TRABD2B: variants seen among roughly 807,000 people sequenced by gnomAD.
The protein encoded by TRABD2B is metalloprotease TIKI2.
Under a neutral mutation model 40.1 loss-of-function variants are expected in TRABD2B, and 14 were observed. The ratio of observed to expected loss-of-function variants is 0.35; its 90% CI spans 0.23 to 0.55. TRABD2B has a LOEUF of 0.55. Ranked by LOEUF, TRABD2B falls within the 20% of genes least tolerant of loss-of-function variation. TRABD2B has a pLI of 0.90. For missense variants in TRABD2B, 541 were observed against 648.6 expected, an observed-to-expected ratio of 0.83 and a Z score of 1.80; for synonymous variants, 263 against 277.0, an observed-to-expected ratio of 0.95 and a Z score of 0.50.
intron 3 of TRABD2B, chr1:47,795,523 A>G (rs1644736581): frequency 6.1e-6 from 2 of 326,154 alleles, no homozygotes; most frequent in Non-Finnish European, 4.4e-6. Flanking sequence ...TGAGTACAAG[A>G]GTAGGCTCAC....
intron 3 of TRABD2B, 23 bp from the exon 4 acceptor site, chr1:47,794,783 G>C (rs1428532696): frequency 6.1e-6 from 8 of 1,310,156 alleles, no homozygotes; most frequent in Admixed American, 3.0e-5. Context: ...GACAGAGGCT[G>C]CCTTCAGTTT....
rs138002701 is a variant in TRABD2B, at chr1:47,821,551, T to C, written c.667-19932A>G. 3.7e-4 allele frequency among the ~76,000 whole-genome samples: 57 copies of C among 152,270 alleles called. 1 individual carries two copies. In the East Asian group the frequency reaches 0.01, roughly 28 times the overall value. On this transcript the variant is annotated intron_variant, in intron 2 of 6. Transcript: ENST00000606738. ...CCTGGCAATGCCCCTGACAGGCAGA[T>C]GCTCAGGGCTGTGCCATGCCTCTGT...
chr1:47,843,945 G>T (rs1285036659), intron 2 of TRABD2B, among the ~76,000 whole-genome samples: 3 of 152,136 alleles, frequency 2.0e-5, no homozygotes, highest in Non-Finnish European at 4.4e-5. Flanking sequence ...AGCCTCTCTC[G>T]ATGGGCACCC....
intron 2 of TRABD2B, among the ~76,000 whole-genome samples, chr1:47,830,632 T>C (rs999220471): frequency 3.3e-5 from 5 of 152,210 alleles, no homozygotes; most frequent in Non-Finnish European, 5.9e-5. Flanking sequence ...GTCAGACATA[T>C]AGGATGACGG....
chr1:47,908,705 C>A (rs1233536239), intron 2 of TRABD2B, among the ~76,000 whole-genome samples: 1 of 152,240 alleles, frequency 6.6e-6, no homozygotes, highest in Admixed American at 6.5e-5. Flanking sequence ...GGCCAAGGAG[C>A]CAGCTCGGCC....
rs565389809 is a variant in TRABD2B at position 47,960,692 on chromosome 1, C to T, written c.666+33342G>A. ...CCTCTTCAAGGAGAACTACAAACCA[C>T]TGCTCAAGGAAATAAAAGAGGACCC... is the stretch of plus-strand genomic sequence containing the variant. On this transcript the variant is annotated intron_variant, in intron 2 of 6. Coordinates refer to ENST00000606738, the MANE Select transcript of TRABD2B (RefSeq NM_001194986.2). Among the ~76,000 whole-genome samples the T allele has an allele frequency of 3.7e-4, 57 of 152,264 alleles. 1 individual carries two copies. The East Asian group carries it at 9.1e-3, about 24-fold the overall frequency.
chr1:47,827,347 A>G (rs551764954), intron 2 of TRABD2B, among the ~76,000 whole-genome samples: 1 of 152,338 alleles, frequency 6.6e-6, no homozygotes, highest in South Asian at 2.1e-4. Context: ...CAGCATCTGC[A>G]TGTGCTCTGC....
chr1:47,806,495 T>G (rs1253263403), intron 2 of TRABD2B, among the ~76,000 whole-genome samples: 1 of 152,180 alleles, frequency 6.6e-6, no homozygotes, highest in East Asian at 1.9e-4. Flanking sequence ...AGGATAATGT[T>G]TATGATAAGG....
intron 4 of TRABD2B, among the ~76,000 whole-genome samples, chr1:47,779,537 G>T (rs1644492181): frequency 6.6e-6 from 1 of 152,246 alleles, no homozygotes; most frequent in African/African-American, 2.4e-5. Context: ...CTTGATGTCT[G>T]AGTACTCAGG....
At chr1:47,875,731 CAGAAA>C (rs10602963) in intron 2 of TRABD2B, among the ~76,000 whole-genome samples, 8,959 of 144,054 alleles carry the variant, frequency 0.062, 547 homozygotes, top group African/African-American at 0.15. Flanking sequence ...AAAGAAAGAG[CAGAAA>C]AGAAAAGGAC....
chr1:47,797,273 C>T (rs991935578), intron 3 of TRABD2B, among the ~76,000 whole-genome samples: 2 of 152,230 alleles, frequency 1.3e-5, no homozygotes, highest in South Asian at 4.1e-4. Flanking sequence ...GTGCCTGGCA[C>T]AAAGGAAGTC....
intron 2 of TRABD2B, among the ~76,000 whole-genome samples, chr1:47,859,917 T>C (rs1643942377): frequency 6.6e-6 from 1 of 152,204 alleles, no homozygotes; most frequent in Admixed American, 6.5e-5. Context: ...TACTACAACC[T>C]GGTTAGTCCT....
chr1:47,845,997 AG>A lies in TRABD2B; in HGVS notation c.667-44379del, dbSNP rs1176096896. 3.9e-5 allele frequency among the ~76,000 whole-genome samples: 6 copies of A among 152,322 alleles called. No homozygotes were observed. The East Asian group carries it at 1.2e-3, about 29-fold the overall frequency. ...GCATGCTGGGAAAGTGAAAGGGTGG[AG>A]GAAGTGTCTCTATCTTCATAAATTT... On this transcript the variant is annotated intron_variant, in intron 2 of 6. Coordinates refer to ENST00000606738, the MANE Select transcript of TRABD2B (RefSeq NM_001194986.2).
chr1:47,889,880 A>G (rs1382739509), intron 2 of TRABD2B, among the ~76,000 whole-genome samples: 1 of 152,250 alleles, frequency 6.6e-6, no homozygotes, highest in Admixed American at 6.5e-5. Context: ...CTTGAGGCGC[A>G]GTGTAGATTA....
chr1:47,858,835 T>C (rs575044393), intron 2 of TRABD2B, among the ~76,000 whole-genome samples: 1 of 152,322 alleles, frequency 6.6e-6, no homozygotes, highest in East Asian at 1.9e-4. Flanking sequence ...CAGATGCCTC[T>C]AGAGAAAGGT....
intron 2 of TRABD2B, among the ~76,000 whole-genome samples, chr1:47,835,751 C>G (rs1645310005): frequency 6.6e-6 from 1 of 152,182 alleles, no homozygotes; most frequent in African/African-American, 2.4e-5. Flanking sequence ...CATACCTTCC[C>G]TTCACTAAAT....
intron 2 of TRABD2B, among the ~76,000 whole-genome samples, chr1:47,879,365 T>C (rs868603934): frequency 4.6e-5 from 7 of 152,330 alleles, no homozygotes; most frequent in Middle Eastern, 3.4e-3. Flanking sequence ...TTAGATATGT[T>C]GAGATACACA....
Position 47,794,676 on chromosome 1 carries a change from T to C in TRABD2B, c.898A>G (p.Ile300Val). The C allele has an allele frequency of 2.0e-6, 3 of 1,536,578 alleles. No homozygotes were observed. The highest frequency in any genetic ancestry group is 1.7e-6 in the Non-Finnish European group (2 of 1,146,908). ...EIDSYFRQEL[I>V]YKRNERMGKR... The stretch of plus-strand genomic sequence containing the variant: ...CCCATGCGCTCATTCCTCTTGTAGA[T>C]GAGCTCCTGGCGGAAGTAGCTGTCA... Residue 300 changes from isoleucine to valine, a missense_variant, in exon 4 of 7, where the codon ATC (isoleucine) becomes GTC (valine). Ile to Val is a conservative substitution (Grantham distance 29). Coordinates refer to ENST00000606738, the MANE Select transcript of TRABD2B (RefSeq NM_001194986.2).
intron 2 of TRABD2B, among the ~76,000 whole-genome samples, chr1:47,934,315 AAGG>A (rs1297026211): frequency 6.6e-6 from 1 of 152,134 alleles, no homozygotes; most frequent in Non-Finnish European, 1.5e-5. Flanking sequence ...GTGCTTTGTG[AAGG>A]AGTCCTCCCC....
Sources: allele counts gnomAD v4.1 joint callset (sites outside exome capture counted in the v4.1 genomes callset), GRCh38; gene constraint gnomAD v4.1.1; transcripts MANE v1.5; gene names NCBI Gene and HGNC (gene_info 2026-07-23, HGNC 2026-07-21).